The following DIAPH1 variants were observed in gnomAD, a reference collection of about 807,000 sequenced individuals.
DIAPH1 encodes the protein protein diaphanous homolog 1.
Under a neutral mutation model 140.7 loss-of-function variants are expected in DIAPH1, and 46 were observed. The observed-to-expected ratio is 0.33, with a 90% confidence interval of 0.26 to 0.42. The LOEUF is 0.42. DIAPH1 is among the 10% of genes least tolerant of loss of function. DIAPH1 has a pLI of 1.00. For missense variants in DIAPH1, 1,310 were observed against 1,558.7 expected (o/e 0.84, Z 2.69); for synonymous variants, 565 against 551.6 (o/e 1.02, Z -0.34).
At chr5:141,613,492 T>C (rs771834351) in intron 1 of DIAPH1, among the ~76,000 whole-genome samples, 13 of 152,222 alleles carry the variant, frequency 8.5e-5, no homozygotes, top group Non-Finnish European at 1.3e-4. Context: ...TTCCACCTCT[T>C]AGCCCCCTGA....
At chr5:141,567,814 C>A (rs1171583523) in intron 18 of DIAPH1, among the ~76,000 whole-genome samples, 1 of 152,228 alleles carries the variant, frequency 6.6e-6, no homozygotes, top group Non-Finnish European at 1.5e-5. Context: ...GGGCAGCAGA[C>A]AGGTAAACCT....
intron 6 of DIAPH1, among the ~76,000 whole-genome samples, chr5:141,582,761 C>G (rs189787854): frequency 8.1e-4 from 124 of 152,162 alleles, no homozygotes; most frequent in African/African-American, 2.7e-3. Context: ...AGAAAGATTC[C>G]AGGAAGTACT....
In DIAPH1 at chr5:141,521,429, T is replaced by G. The variant is rs1237379775; in HGVS notation, c.3661+2714A>C. Among the ~76,000 whole-genome samples the G allele has an allele frequency of 2.6e-5, 4 of 152,158 alleles. No homozygotes were observed. In the East Asian group the frequency reaches 7.7e-4, roughly 29 times the overall value. On this transcript the variant is annotated intron_variant, in intron 27 of 27. Transcript: ENST00000389054. ...TCACATGGATTCTTCCCCTTGACAC[T>G]CCAACCATTGTTCTCCCACACCCTG...
intron 1 of DIAPH1, among the ~76,000 whole-genome samples, chr5:141,591,983 G>A (rs1327124894): frequency 6.7e-6 from 1 of 150,108 alleles, no homozygotes; most frequent in Non-Finnish European, 1.5e-5. Flanking sequence ...TCAGGAGGCC[G>A]AGGCAGGAGA....
In DIAPH1 at chr5:141,526,200, C is replaced by T. The variant is rs115666914; in HGVS notation, c.3439-27G>A. 2,780 of 1,614,114 alleles carry T rather than the reference C, an allele frequency of 1.7e-3. 37 individuals carry two copies. In the African/African-American group the frequency reaches 0.034, roughly 19 times the overall value. On this transcript the variant is annotated intron_variant, in intron 25 of 27. Transcript: ENST00000389054. The stretch of plus-strand genomic sequence containing the variant: ...TGGGGCAGGGAAGAGGAGGAAGGAA[C>T]ACATGGGCATTGTATACCTACTACC...
At chr5:141,616,370 C>A (rs1317805305) in intron 1 of DIAPH1, among the ~76,000 whole-genome samples, 1 of 152,206 alleles carries the variant, frequency 6.6e-6, no homozygotes, top group Non-Finnish European at 1.5e-5. Flanking sequence ...CACACTTAGT[C>A]CAAACCAGTG....
At chr5:141,562,306 A>C (rs2099893675) in intron 18 of DIAPH1, among the ~76,000 whole-genome samples, 1 of 152,138 alleles carries the variant, frequency 6.6e-6, no homozygotes, top group African/African-American at 2.4e-5. Flanking sequence ...CTTATTAAAA[A>C]CTTATAATTT....
In DIAPH1 at chr5:141,515,398, A is replaced by G. The variant is rs1446284402; in HGVS notation, c.*1453T>C. 2.6e-5 allele frequency: 4 copies of G among 152,212 alleles called. No homozygotes were observed. Among genetic ancestry groups the G allele is most frequent in the Non-Finnish European group, 5.9e-5 (4 of 68,038 alleles). The allele number at this position is 152,212 out of a possible 1,614,324, so 9.4% of individuals were successfully genotyped here. ...TGCTTCCTAAGCTCTCTCTTGCTCT[A>G]ATAACTCTAATTCTGGGCCAAGCCC... is the stretch of plus-strand genomic sequence containing the variant. On this transcript the variant is annotated 3_prime_UTR_variant, in exon 28 of 28. Coordinates refer to ENST00000389054, the MANE Select transcript of DIAPH1 (RefSeq NM_005219.5).
chr5:141,574,230 G>A (rs1219749499), intron 15 of DIAPH1, 22 bp from the exon 16 acceptor site: 1 of 1,613,468 alleles, frequency 6.2e-7, no homozygotes, highest in Non-Finnish European at 8.5e-7. Flanking sequence ...ACATCAATGT[G>A]AGTACTTCTC....
chr5:141,604,543 T>C (rs1349412575), intron 1 of DIAPH1, among the ~76,000 whole-genome samples: 1 of 152,186 alleles, frequency 6.6e-6, no homozygotes, highest in Non-Finnish European at 1.5e-5. Context: ...GCAGGACATC[T>C]ACTCTTCCTC....
intron 1 of DIAPH1, among the ~76,000 whole-genome samples, chr5:141,615,054 T>G (rs568001842): frequency 2.8e-4 from 43 of 152,302 alleles, no homozygotes; most frequent in Non-Finnish European, 1.8e-4. Flanking sequence ...TTACTTTGCA[T>G]TTAGAAGACC....
intron 18 of DIAPH1, among the ~76,000 whole-genome samples, chr5:141,547,373 G>A (rs574265129): frequency 6.6e-6 from 1 of 152,272 alleles, no homozygotes; most frequent in Non-Finnish European, 1.5e-5. Context: ...GCTGAGGCAG[G>A]AGAATGGTGT....
intron 18 of DIAPH1, among the ~76,000 whole-genome samples, chr5:141,569,595 T>C (rs991162230): frequency 1.5e-4 from 23 of 151,920 alleles, no homozygotes; most frequent in African/African-American, 4.8e-4. Flanking sequence ...AAACTCCATC[T>C]CTACAAAAAT....
At chr5:141,612,936 G>C (rs1460662014) in intron 1 of DIAPH1, among the ~76,000 whole-genome samples, 1 of 152,148 alleles carries the variant, frequency 6.6e-6, no homozygotes, top group Non-Finnish European at 1.5e-5. Flanking sequence ...AAATCATCCT[G>C]TCTTGGGTCC....
chr5:141,526,030 C>T lies in DIAPH1; in HGVS notation c.3574+8G>A, dbSNP rs372735919. ...ATCTCAGCCCATCAACCCGTCTTCA[C>T]TCCTCACCTGCATTCATGTCTATGA... On this transcript the variant is annotated splice_region_variant and intron_variant, in intron 26 of 27. Transcript: ENST00000389054. The T allele has an allele frequency of 6.2e-7, 1 of 1,613,944 alleles. No homozygotes were observed. The highest frequency in any genetic ancestry group is 8.5e-7 in the Non-Finnish European group (1 of 1,180,030).
At chr5:141,605,933 A>G (rs959654696) in intron 1 of DIAPH1, among the ~76,000 whole-genome samples, 2 of 152,150 alleles carry the variant, frequency 1.3e-5, no homozygotes, top group Non-Finnish European at 2.9e-5. Context: ...AGAGCTGCCA[A>G]CTAAGACCAA....
At chr5:141,598,622 G>A (rs904477546) in intron 1 of DIAPH1, among the ~76,000 whole-genome samples, 9 of 152,038 alleles carry the variant, frequency 5.9e-5, no homozygotes, top group Non-Finnish European at 1.2e-4. Context: ...AATGTAATAT[G>A]TGGTAAGATA....
intron 1 of DIAPH1, among the ~76,000 whole-genome samples, chr5:141,601,300 C>T (rs994147727): frequency 6.6e-5 from 10 of 151,172 alleles, no homozygotes; most frequent in African/African-American, 2.4e-4. Context: ...AGAACTACTC[C>T]CTCTTTTTTG....
At chr5:141,539,418 GTT>G (rs57490035) in intron 18 of DIAPH1, among the ~76,000 whole-genome samples, 1 of 132,552 alleles carries the variant, frequency 7.5e-6, no homozygotes, top group Non-Finnish European at 1.6e-5. Context: ...GGGTAGTTTT[GTT>G]TTTTTTTTTG....
Sources: allele counts gnomAD v4.1 joint callset (sites outside exome capture counted in the v4.1 genomes callset), GRCh38; gene constraint gnomAD v4.1.1; transcripts MANE v1.5; gene names NCBI Gene and HGNC (gene_info 2026-07-23, HGNC 2026-07-21).